XKR4: variants seen among roughly 807,000 people sequenced by gnomAD.
XKR4 encodes the protein XK-related protein 4.
Under a neutral mutation model 53.9 loss-of-function variants are expected in XKR4, and 12 were observed. That is an observed-to-expected ratio of 0.22 (90% confidence interval 0.14 to 0.36). The LOEUF is 0.36. Among genes scored for constraint, XKR4 ranks in the 10% least tolerant of loss-of-function variants. The pLI is 1.00. For missense variants in XKR4, 799 were observed against 859.5 expected, an observed-to-expected ratio of 0.93 and a Z score of 0.88; for synonymous variants, 354 against 362.4, an observed-to-expected ratio of 0.98 and a Z score of 0.26.
chr8:55,345,790 A>G (rs533115752), intron 1 of XKR4, among the ~76,000 whole-genome samples: 2 of 152,286 alleles, frequency 1.3e-5, no homozygotes, highest in East Asian at 1.9e-4. Flanking sequence ...GACAATGACA[A>G]TGAAGAGTGG....
At chr8:55,350,155 T>A (rs935449546) in intron 1 of XKR4, among the ~76,000 whole-genome samples, 19 of 152,192 alleles carry the variant, frequency 1.2e-4, no homozygotes, top group Non-Finnish European at 5.9e-5. Flanking sequence ...GGCATTTGGG[T>A]TTTAACCATT....
At chr8:55,494,553 G>C (rs1806315147) in intron 2 of XKR4, among the ~76,000 whole-genome samples, 1 of 152,194 alleles carries the variant, frequency 6.6e-6, no homozygotes. Flanking sequence ...TTAAGTGATA[G>C]AACAGCTCAG....
rs1283178506 is a variant in XKR4 at position 55,103,237 on chromosome 8, T to C, written c.749T>C (p.Phe250Ser). 3 of 1,613,752 alleles carry C rather than the reference T, an allele frequency of 1.9e-6. No individual in the cohort carries two copies. The highest frequency in any genetic ancestry group is 2.5e-6 in the Non-Finnish European group (3 of 1,179,870). ...SGKHRSASCS[F>S]CIWLLQSLIH... Reference sequence around the variant, plus strand: ...AAGCACAGGTCTGCGTCCTGCTCCTTCTGCATCTGGCTCCTGCAGTCACTC... The same window carrying C: ...AAGCACAGGTCTGCGTCCTGCTCCTCCTGCATCTGGCTCCTGCAGTCACTC... Residue 250 changes from phenylalanine to serine, a missense_variant, in exon 1 of 3, where the codon TTC becomes TCC. Transcript: ENST00000327381.
intron 2 of XKR4, chr8:55,517,758 T>G (rs540013125): frequency 1.3e-5 from 2 of 150,892 alleles, no homozygotes; most frequent in Non-Finnish European, 3.0e-5. Context: ...CCTGAGAGAG[T>G]CCCAGCCATC....
At chr8:55,310,920 C>T (rs879366151) in intron 1 of XKR4, among the ~76,000 whole-genome samples, 2 of 152,220 alleles carry the variant, frequency 1.3e-5, no homozygotes, top group Admixed American at 6.5e-5. Context: ...CTTCAGAAAG[C>T]TCTAGAGAGA....
chr8:55,241,934 A>C (rs555159231), intron 1 of XKR4, among the ~76,000 whole-genome samples: 27 of 152,194 alleles, frequency 1.8e-4, no homozygotes, highest in African/African-American at 6.5e-4. Context: ...AGATGACAAT[A>C]ATAATAATAA....
At chr8:55,184,457 G>A (rs935054784) in intron 1 of XKR4, among the ~76,000 whole-genome samples, 3 of 152,144 alleles carry the variant, frequency 2.0e-5, no homozygotes, top group Non-Finnish European at 2.9e-5. Flanking sequence ...TTCTCTTGTT[G>A]TAGGAATCAG....
intron 1 of XKR4, among the ~76,000 whole-genome samples, chr8:55,205,311 T>G (rs1817630627): frequency 6.6e-6 from 1 of 152,228 alleles, no homozygotes; most frequent in Admixed American, 6.5e-5. Context: ...GTTTTGTACT[T>G]AAACTATTTG....
At chr8:55,327,782 C>G (rs933379058) in intron 1 of XKR4, among the ~76,000 whole-genome samples, 1 of 152,100 alleles carries the variant, frequency 6.6e-6, no homozygotes, top group Admixed American at 6.5e-5. Context: ...AAGAAATGTT[C>G]TCTAGAATAG....
chr8:55,236,285 A>G (rs886644310), intron 1 of XKR4, among the ~76,000 whole-genome samples: 1 of 152,308 alleles, frequency 6.6e-6, no homozygotes, highest in Admixed American at 6.5e-5. Context: ...AAATGGTATT[A>G]AAGGGAGGCC....
chr8:55,196,465 G>A (rs1817509361), intron 1 of XKR4, among the ~76,000 whole-genome samples: 1 of 152,196 alleles, frequency 6.6e-6, no homozygotes, highest in African/African-American at 2.4e-5. Flanking sequence ...TTACAGGCAT[G>A]AGCCACAGCA....
intron 1 of XKR4, among the ~76,000 whole-genome samples, chr8:55,136,730 T>C (rs1816636220): frequency 6.6e-6 from 1 of 152,246 alleles, no homozygotes; most frequent in Admixed American, 6.5e-5. Flanking sequence ...TCTTTAGTGA[T>C]GGAGACTTTA....
At chr8:55,107,791 T>C (rs1816170398) in intron 1 of XKR4, among the ~76,000 whole-genome samples, 2 of 152,176 alleles carry the variant, frequency 1.3e-5, no homozygotes. Context: ...TGAATTCTGA[T>C]ATAGATTAGG....
At chr8:55,492,755 TC>T (rs1402568768) in intron 2 of XKR4, among the ~76,000 whole-genome samples, 1 of 152,268 alleles carries the variant, frequency 6.6e-6, no homozygotes, top group African/African-American at 2.4e-5. Context: ...TTTCTTTCTG[TC>T]TTAAAAGGCC....
chr8:55,278,284 C>A (rs1002287857), intron 1 of XKR4, among the ~76,000 whole-genome samples: 1 of 150,302 alleles, frequency 6.7e-6, no homozygotes, highest in Non-Finnish European at 1.5e-5. Context: ...TTGCAGTGAG[C>A]CAAGATCCTG....
At chr8:55,427,382 A>C (rs570781366) in intron 2 of XKR4, among the ~76,000 whole-genome samples, 1 of 152,148 alleles carries the variant, frequency 6.6e-6, no homozygotes, top group Non-Finnish European at 1.5e-5. Flanking sequence ...CTTTAAAAAA[A>C]ATTTTTTTAA....
intron 2 of XKR4, chr8:55,451,245 C>T (rs1563353649): frequency 3.5e-6 from 2 of 575,386 alleles, no homozygotes; most frequent in Admixed American, 6.3e-5. Context: ...AAGCCCACTG[C>T]TGCGCCCACA....
chr8:55,230,716 G>A lies in XKR4; in HGVS notation c.807-126962G>A, dbSNP rs1391576357. ...AAGTAGGAATGAAAATCTCATAATA[G>A]AGGAAAAACTGGAAATAATAGAATA... On this transcript the variant is annotated intron_variant, in intron 1 of 2. Coordinates refer to ENST00000327381, the MANE Select transcript of XKR4 (RefSeq NM_052898.2). Among the ~76,000 whole-genome samples, 3 of 152,124 alleles carry A rather than the reference G, an allele frequency of 2.0e-5. No homozygotes were observed. The East Asian group carries it at 5.8e-4, about 29-fold the overall frequency.
chr8:55,376,542 T>C (rs973922980), intron 2 of XKR4, among the ~76,000 whole-genome samples: 6 of 152,234 alleles, frequency 3.9e-5, no homozygotes, highest in Non-Finnish European at 7.3e-5. Context: ...AAGTGTCTGT[T>C]CATGTTCTTT....
Sources: allele counts gnomAD v4.1 joint callset (sites outside exome capture counted in the v4.1 genomes callset), GRCh38; gene constraint gnomAD v4.1.1; transcripts MANE v1.5; gene names NCBI Gene and HGNC (gene_info 2026-07-23, HGNC 2026-07-21).